Variants in ATP1B3 observed in about 807,000 individuals in gnomAD.
The protein encoded by ATP1B3 is ATPase Na+/K+ transporting subunit beta 3.
In ATP1B3, 10 loss-of-function variants were observed where a neutral mutation model predicts 30.2. The ratio of observed to expected loss-of-function variants is 0.33; its 90% CI spans 0.20 to 0.56. The LOEUF is 0.56. Ranked by LOEUF, ATP1B3 falls within the 20% of genes least tolerant of loss-of-function variation. The pLI, the probability that ATP1B3 is intolerant of heterozygous loss-of-function variation, is 0.90. For synonymous variants in ATP1B3, 113 were observed against 117.0 expected, an observed-to-expected ratio of 0.97 and a Z score of 0.22; for missense variants, 238 against 336.7, an observed-to-expected ratio of 0.71 and a Z score of 2.29.
intron 1 of ATP1B3, among the ~76,000 whole-genome samples, chr3:141,881,388 C>CA (rs1321993324): frequency 2.0e-5 from 3 of 152,060 alleles, no homozygotes; most frequent in Non-Finnish European, 4.4e-5. Context: ...AATTCTGGAC[C>CA]AAAACTGTTA....
At chr3:141,904,701 G>GTATTTTT (rs1576396012) in intron 2 of ATP1B3, among the ~76,000 whole-genome samples, 1 of 107,372 alleles carries the variant, frequency 9.3e-6, no homozygotes, top group Non-Finnish European at 2.0e-5. Flanking sequence ...TTTTTAAACA[G>GTATTTTT]TCTTTTTTTT....
At chr3:141,903,390 GA>G (rs1934202624) in intron 1 of ATP1B3, among the ~76,000 whole-genome samples, 1 of 152,068 alleles carries the variant, frequency 6.6e-6, no homozygotes, top group African/African-American at 2.4e-5. Context: ...CTTTAACTTG[GA>G]AATACCAGGG....
intron 1 of ATP1B3, among the ~76,000 whole-genome samples, chr3:141,878,189 T>C (rs1206023669): frequency 2.0e-5 from 3 of 152,204 alleles, no homozygotes; most frequent in African/African-American, 7.2e-5. Flanking sequence ...AAATTACATA[T>C]GCCACAAAGC....
rs770624951 is a variant in ATP1B3, at chr3:141,907,243, G to T, written c.315G>T (p.Gly105=). The T allele has an allele frequency of 6.2e-7, 1 of 1,611,996 alleles. No individual in the cohort carries two copies. The highest frequency in any genetic ancestry group is 1.3e-5 in the African/African-American group (1 of 74,886). ...FSRSDPTSYA[G]YIEDLKKFLK... ...GGTCTGATCCAACTTCGTATGCAGG[G>T]TACATTGAAGACCTTAAGAAGTTTC... Residue 105 remains glycine, a synonymous_variant, in exon 3 of 7, where the codon GGG becomes GGT. Transcript: ENST00000286371.
chr3:141,891,673 G>C (rs751665925), intron 1 of ATP1B3, among the ~76,000 whole-genome samples: 6 of 151,806 alleles, frequency 4.0e-5, no homozygotes, highest in Non-Finnish European at 7.4e-5. Flanking sequence ...TTTTAGTCTT[G>C]AGCTAAAAAT....
chr3:141,916,513 A>G lies in ATP1B3; in HGVS notation c.582+493A>G, dbSNP rs116839511. The G allele has an allele frequency of 7.6e-4, 967 of 1,272,498 alleles. 10 individuals carry two copies. In the African/African-American group the frequency reaches 0.014, roughly 18 times the overall value. The allele number at this position is 1,272,498 out of a possible 1,614,324, so 78.8% of individuals were successfully genotyped here. ...GAATACTGTGCAGTTTTCATCTCAT[A>G]ACTTTCTTTTGTTTTCTCTCCATGC... is the stretch of plus-strand genomic sequence containing the variant. On this transcript the variant is annotated intron_variant, in intron 5 of 6. Coordinates refer to ENST00000286371, the MANE Select transcript of ATP1B3 (RefSeq NM_001679.4).
intron 3 of ATP1B3, among the ~76,000 whole-genome samples, chr3:141,908,845 C>T (rs1322235056): frequency 1.3e-5 from 2 of 152,166 alleles, no homozygotes; most frequent in African/African-American, 4.8e-5. Flanking sequence ...ATGGGAGCTC[C>T]TCCAGTTTCC....
intron 1 of ATP1B3, among the ~76,000 whole-genome samples, chr3:141,879,789 A>ACCAAAAAAAAAG (rs1933686248): frequency 7.2e-6 from 1 of 139,042 alleles, no homozygotes; most frequent in Non-Finnish European, 1.6e-5. Context: ...AAAAAAAAAA[A>ACCAAAAAAAAAG]CCTTACAGTT....
Position 141,903,783 on chromosome 3 carries a change from T to G in ATP1B3, c.238+35T>G, listed in dbSNP as rs770952410. ...TTGCAGTTATGACTTTGTTTTTTGT[T>G]TTTTGTTTTTTTTTTGAGACAGAGT... On this transcript the variant is annotated intron_variant, in intron 2 of 6. Transcript: ENST00000286371. 5.6e-6 allele frequency: 9 copies of G among 1,599,358 alleles called. No homozygotes were observed. The Admixed American group carries it at 1.6e-4, about 28-fold the overall frequency.
chr3:141,918,779 A>G (rs781529667), intron 5 of ATP1B3: 5 of 152,090 alleles, frequency 3.3e-5, no homozygotes, highest in African/African-American at 4.8e-5. Flanking sequence ...TTTATCTATT[A>G]CGTATCCTTT....
chr3:141,882,884 C>T (rs1933756041), intron 1 of ATP1B3, among the ~76,000 whole-genome samples: 1 of 152,192 alleles, frequency 6.6e-6, no homozygotes, highest in Non-Finnish European at 1.5e-5. Context: ...CCGCGCCCGG[C>T]CTCATGAGTT....
chr3:141,895,505 A>T (rs1429488292), intron 1 of ATP1B3, among the ~76,000 whole-genome samples: 1 of 152,018 alleles, frequency 6.6e-6, no homozygotes, highest in Non-Finnish European at 1.5e-5. Context: ...TTTCTTTAGC[A>T]TAATTATTTT....
chr3:141,882,203 A>G (rs1463965053), intron 1 of ATP1B3, among the ~76,000 whole-genome samples: 1 of 152,202 alleles, frequency 6.6e-6, no homozygotes, highest in Non-Finnish European at 1.5e-5. Context: ...ACTGATTGTG[A>G]AATAGGAGGA....
chr3:141,895,114 G>T (rs2107768918), intron 1 of ATP1B3, among the ~76,000 whole-genome samples: 1 of 149,808 alleles, frequency 6.7e-6, no homozygotes, highest in African/African-American at 2.5e-5. Context: ...CATGCTTTAT[G>T]TTTTTTTTGG....
Position 141,876,716 on chromosome 3 carries a change from C to T in ATP1B3, c.-86C>T, listed in dbSNP as rs1426996000. 1.3e-5 allele frequency: 13 copies of T among 1,029,042 alleles called. No homozygotes were observed. The African/African-American group carries it at 1.5e-4, about 12-fold the overall frequency. The allele number at this position is 1,029,042 out of a possible 1,614,324, so 63.7% of individuals were successfully genotyped here. On this transcript the variant is annotated 5_prime_UTR_variant, in exon 1 of 7. Transcript: ENST00000286371. ...ACCCTTCACTGCCGTCTCCGGGCTG[C>T]GCCGCCGGAGCCGGGACGCGCCTCC...
rs201317904 is a variant in ATP1B3 at position 141,906,040 on chromosome 3, TTA to T, written c.239-1125_239-1124del. On this transcript the variant is annotated intron_variant, in intron 2 of 6. Coordinates refer to ENST00000286371, the MANE Select transcript of ATP1B3 (RefSeq NM_001679.4). ...CATGTAATACATATATAATATGTATTTATGTGTTGTATATTATATACATATAA... is the reference window on the plus strand; with the variant it reads ...CATGTAATACATATATAATATGTATTTGTGTTGTATATTATATACATATAA... Among the ~76,000 whole-genome samples, 1,290 of 151,654 alleles carry T rather than the reference TTA, an allele frequency of 8.5e-3. 22 individuals carry two copies. The highest frequency in any genetic ancestry group is 0.029 in the African/African-American group (1,214 of 41,408).
At chr3:141,892,918 C>T (rs1933985359) in intron 1 of ATP1B3, among the ~76,000 whole-genome samples, 1 of 152,088 alleles carries the variant, frequency 6.6e-6, no homozygotes, top group African/African-American at 2.4e-5. Flanking sequence ...GCAACTTATT[C>T]CTCAGAATTG....
intron 1 of ATP1B3, among the ~76,000 whole-genome samples, chr3:141,880,312 A>T (rs1033515959): frequency 1.3e-5 from 2 of 152,204 alleles, no homozygotes; most frequent in Non-Finnish European, 2.9e-5. Context: ...CAAAATGCTT[A>T]TATACACATA....
intron 3 of ATP1B3, among the ~76,000 whole-genome samples, chr3:141,912,888 A>ATC (rs1441814777): frequency 6.6e-6 from 1 of 152,148 alleles, no homozygotes; most frequent in African/African-American, 2.4e-5. Flanking sequence ...TCTATGAGCT[A>ATC]GTCTCTCACC....
Sources: allele counts gnomAD v4.1 joint callset (sites outside exome capture counted in the v4.1 genomes callset), GRCh38; gene constraint gnomAD v4.1.1; transcripts MANE v1.5; gene names NCBI Gene and HGNC (gene_info 2026-07-23, HGNC 2026-07-21).